C10orf105: variants seen among roughly 807,000 people sequenced by gnomAD.
C10orf105 encodes the protein uncharacterized protein C10orf105.
A neutral mutation model predicts 0.6 loss-of-function variants in C10orf105; 2 were observed. The observed-to-expected ratio is 3.18, with a 90% CI of 1.30 to 10.01. The LOEUF is 10.01. Among genes scored for constraint, C10orf105 ranks in the 30% most tolerant of loss-of-function variants. C10orf105 has a pLI of 0.04. For missense variants in C10orf105, 209 were observed against 191.4 expected, an observed-to-expected ratio of 1.09 and a Z score of -0.54; for synonymous variants, 95 against 82.4, an observed-to-expected ratio of 1.15 and a Z score of -0.83.
rs1283599592 is a variant in C10orf105 at position 71,732,154 on chromosome 10, G to A, written c.-6+5574C>T. ...TGACCAGGCCCCGCCCTTCAACCAG[G>A]GCTTCTGCAGCGTCTACATCACTCT... On this transcript the variant is annotated intron_variant, in intron 1 of 1. Transcript: ENST00000398786. 1.9e-5 allele frequency: 31 copies of A among 1,613,852 alleles called. No individual in the cohort carries two copies. The highest frequency in any genetic ancestry group is 2.6e-5 in the Non-Finnish European group (31 of 1,179,878).
At chr10:71,731,949 T>C in intron 1 of C10orf105, 1 of 1,594,664 alleles carries the variant, frequency 6.3e-7, no homozygotes, top group Non-Finnish European at 8.6e-7. Flanking sequence ...CCCACTCAGT[T>C]CTATCTGGGA....
chr10:71,726,705 C>T (rs1341857947), intron 1 of C10orf105, among the ~76,000 whole-genome samples: 1 of 152,234 alleles, frequency 6.6e-6, no homozygotes, highest in African/African-American at 2.4e-5. Flanking sequence ...AGTACGCCCT[C>T]ATCAGAGCCT....
Position 71,715,742 on chromosome 10 carries a change from G to T in C10orf105, c.*194C>A. 1 of 475,454 alleles carries T rather than the reference G, an allele frequency of 2.1e-6. No individual in the cohort carries two copies. The highest frequency in any genetic ancestry group is 3.7e-6 in the Non-Finnish European group (1 of 273,072). 29.5% of individuals were successfully genotyped at this position (475,454 alleles called of 1,614,324 possible). A position where few individuals can be genotyped will look rare whatever the true frequency, so the allele number is the denominator to read the frequency against. Reference sequence around the variant, plus strand: ...AAGCAGCAGCGAGGGGGTCTGCAGAGAGGAAGGTGCTCTTCTGAGGATCAT... The same window carrying T: ...AAGCAGCAGCGAGGGGGTCTGCAGATAGGAAGGTGCTCTTCTGAGGATCAT... On this transcript the variant is annotated 3_prime_UTR_variant, in exon 2 of 2. Coordinates refer to ENST00000441508, the MANE Select transcript of C10orf105 (RefSeq NM_001164375.3).
chr10:71,713,318 A>G lies in C10orf105; in HGVS notation c.*2618T>C. 1.3e-6 allele frequency: 1 copy of G among 778,368 alleles called. No individual in the cohort carries two copies. Among genetic ancestry groups the G allele is most frequent in the Non-Finnish European group, 2.4e-6 (1 of 417,606 alleles). 48.2% of individuals were successfully genotyped at this position (778,368 alleles called of 1,614,324 possible). A position where few individuals can be genotyped will look rare whatever the true frequency, so the allele number is the denominator to read the frequency against. On this transcript the variant is annotated 3_prime_UTR_variant, in exon 2 of 2. Transcript: ENST00000441508. ...CAGAGGGAGAGAAGGGAGGACCCTGAAAACAATTTGGGTGTGCACCCACAC... is the reference window on the plus strand; with the variant it reads ...CAGAGGGAGAGAAGGGAGGACCCTGGAAACAATTTGGGTGTGCACCCACAC...
intron 1 of C10orf105, chr10:71,734,487 C>A: frequency 6.5e-7 from 1 of 1,539,938 alleles, no homozygotes; most frequent in South Asian, 1.2e-5. Context: ...CATGTCCAGC[C>A]ATGCCACACC....
Position 71,734,116 on chromosome 10 carries a change from C to T in C10orf105, c.-6+3612G>A, listed in dbSNP as rs1839481242. Reference sequence around the variant, plus strand: ...GAGAGAGAAGAAGGAATTCAACAGACAGAGTGTCCTGGGGAAGTTATGCCG... The same window carrying T: ...GAGAGAGAAGAAGGAATTCAACAGATAGAGTGTCCTGGGGAAGTTATGCCG... On this transcript the variant is annotated intron_variant, in intron 1 of 1. Coordinates refer to the C10orf105 transcript ENST00000398786. 9.6e-5 allele frequency: 75 copies of T among 782,758 alleles called. No homozygotes were observed. The South Asian group carries it at 1.1e-3, about 11-fold the overall frequency. The allele number at this position is 782,758 out of a possible 1,614,324, so 48.5% of individuals were successfully genotyped here. A position where few individuals can be genotyped will look rare whatever the true frequency, so the allele number is the denominator to read the frequency against.
chr10:71,719,295 G>C (rs1589369842), intron 1 of C10orf105, among the ~76,000 whole-genome samples: 2 of 152,280 alleles, frequency 1.3e-5, no homozygotes, highest in East Asian at 3.9e-4. Context: ...ACCAAGGCCA[G>C]GAATCATCTG....
intron 1 of C10orf105, among the ~76,000 whole-genome samples, chr10:71,735,180 C>A (rs1839524401): frequency 6.6e-6 from 1 of 152,164 alleles, no homozygotes; most frequent in African/African-American, 2.4e-5. Context: ...TAAAGGGGAC[C>A]CCCTCCCTCT....
chr10:71,728,799 G>C (rs1434474592), intron 1 of C10orf105, among the ~76,000 whole-genome samples: 1 of 152,114 alleles, frequency 6.6e-6, no homozygotes, highest in Non-Finnish European at 1.5e-5. Flanking sequence ...AAACTCCTGG[G>C]CTCCAGCAAT....
At chr10:71,725,475 G>T in intron 1 of C10orf105, 1 of 1,613,958 alleles carries the variant, frequency 6.2e-7, no homozygotes, top group Non-Finnish European at 8.5e-7. Flanking sequence ...TGCTGATAGT[G>T]GAGGCCTACA....
chr10:71,725,601 C>T (rs965546649), intron 1 of C10orf105: 44 of 1,483,236 alleles, frequency 3.0e-5, no homozygotes, highest in Admixed American at 4.2e-5. Flanking sequence ...CATTAGTTGG[C>T]GCCTGGTGTG....
chr10:71,719,132 G>C (rs1192752107), intron 1 of C10orf105, among the ~76,000 whole-genome samples: 4 of 152,104 alleles, frequency 2.6e-5, no homozygotes, highest in Admixed American at 2.0e-4. Context: ...CATCTGAGTA[G>C]TTCCTGTGGC....
chr10:71,712,777 C>T lies in C10orf105; in HGVS notation c.*3159G>A. On this transcript the variant is annotated 3_prime_UTR_variant, in exon 2 of 2. Coordinates refer to ENST00000441508, the MANE Select transcript of C10orf105 (RefSeq NM_001164375.3). ...TGCAGAGCAGCTATGAGGCCAGCGTCCCTGAGGACATCCCTGAAGGCCACA... is the reference window on the plus strand; with the variant it reads ...TGCAGAGCAGCTATGAGGCCAGCGTTCCTGAGGACATCCCTGAAGGCCACA... 6.2e-7 allele frequency: 1 copy of T among 1,613,082 alleles called. No homozygotes were observed. The highest frequency in any genetic ancestry group is 8.5e-7 in the Non-Finnish European group (1 of 1,179,666).
rs1010762437 is a variant in C10orf105 at position 71,714,272 on chromosome 10, C to T, written c.*1664G>A. 2 of 152,092 alleles carry T rather than the reference C, an allele frequency of 1.3e-5. No individual in the cohort carries two copies. The highest frequency in any genetic ancestry group is 2.9e-5 in the Non-Finnish European group (2 of 68,046). The allele number at this position is 152,092 out of a possible 1,614,324, so 9.4% of individuals were successfully genotyped here. A position where few individuals can be genotyped will look rare whatever the true frequency, so the allele number is the denominator to read the frequency against. Reference sequence around the variant, plus strand: ...GGCTCTGTGTTATGCCAGCTTCCACCAAGACTCCTGCCTCAGAGGGTGGGG... The same window carrying T: ...GGCTCTGTGTTATGCCAGCTTCCACTAAGACTCCTGCCTCAGAGGGTGGGG... On this transcript the variant is annotated 3_prime_UTR_variant, in exon 2 of 2. Transcript: ENST00000441508.
chr10:71,720,221 T>C (rs899009236), upstream of C10orf105, among the ~76,000 whole-genome samples: 1 of 152,172 alleles, frequency 6.6e-6, no homozygotes, highest in African/African-American at 2.4e-5. Flanking sequence ...TGGGCCCCAT[T>C]CCTTCCAGGC....
chr10:71,712,409 G>A lies in C10orf105; in HGVS notation c.*3527C>T. 2.2e-6 allele frequency: 1 copy of A among 447,354 alleles called. No individual in the cohort carries two copies. Among genetic ancestry groups the A allele is most frequent in the Non-Finnish European group, 4.0e-6 (1 of 247,334 alleles). The allele number at this position is 447,354 out of a possible 1,614,324, so 27.7% of individuals were successfully genotyped here. A position where few individuals can be genotyped will look rare whatever the true frequency, so the allele number is the denominator to read the frequency against. The stretch of plus-strand genomic sequence containing the variant: ...CCTCCTCTGTAAAATGGGGATGACA[G>A]TAAAGTGTCTGCTTCATGGGGTTGC... On this transcript the variant is annotated 3_prime_UTR_variant, in exon 2 of 2. Coordinates refer to ENST00000441508, the MANE Select transcript of C10orf105 (RefSeq NM_001164375.3).
rs770998047 is a variant in C10orf105, at chr10:71,713,198, A to G, written c.*2738T>C. On this transcript the variant is annotated 3_prime_UTR_variant, in exon 2 of 2. Transcript: ENST00000441508. ...AGGCCCAGAACAGAGCTGCTTTCAC[A>G]GAGCCCTTGGCCGAGGCTCCCCTCT... 1.3e-6 allele frequency: 1 copy of G among 779,332 alleles called. No individual in the cohort carries two copies. The highest frequency in any genetic ancestry group is 1.3e-5 in the South Asian group (1 of 74,514). 48.3% of individuals were successfully genotyped at this position (779,332 alleles called of 1,614,324 possible).
At chr10:71,716,814 C>G in intron 1 of C10orf105, 1 of 159,812 alleles carries the variant, frequency 6.3e-6, no homozygotes, top group Non-Finnish European at 1.4e-5. Context: ...TTAGTTGGGT[C>G]CTTGCCATGT....
At chr10:71,725,884 A>G (rs762408601) in intron 1 of C10orf105, among the ~76,000 whole-genome samples, 3 of 152,186 alleles carry the variant, frequency 2.0e-5, no homozygotes, top group Non-Finnish European at 4.4e-5. Flanking sequence ...TTTACAGATG[A>G]GAAAACTGAG....
Sources: gnomAD v4.1 joint callset for allele counts (sites outside exome capture counted in the v4.1 genomes callset) on GRCh38, gnomAD v4.1.1 for gene constraint, MANE v1.5 for transcripts, NCBI Gene and HGNC (gene_info 2026-07-23, HGNC 2026-07-21) for gene names.